USH2A: variants seen among roughly 807,000 people sequenced by gnomAD.
USH2A encodes usherin, also known as Usher syndrome 2A (autosomal recessive, mild).
In USH2A, 443 loss-of-function variants were observed where a neutral mutation model predicts 538.9. The observed-to-expected ratio is 0.82, with a 90% confidence interval of 0.76 to 0.89. The LOEUF (loss-of-function observed/expected upper bound fraction) is 0.89. Ranked by LOEUF, USH2A falls within the 40% of genes least tolerant of loss-of-function variation. The pLI is 0.00. For missense variants in USH2A, 6,633 were observed against 6,324.8 expected, an observed-to-expected ratio of 1.05 and a Z score of -1.65; for synonymous variants, 2,413 against 2,273.5, an observed-to-expected ratio of 1.06 and a Z score of -1.75.
intron 30 of USH2A, among the ~76,000 whole-genome samples, chr1:216,061,769 C>CTGTTATAAAA (rs2031192216): frequency 6.6e-6 from 1 of 152,130 alleles, no homozygotes; most frequent in African/African-American, 2.4e-5. Flanking sequence ...CGAGACCAGG[C>CTGTTATAAAA]AGAGACAATG....
chr1:215,930,789 C>T (rs1666344115), intron 38 of USH2A, among the ~76,000 whole-genome samples: 1 of 151,968 alleles, frequency 6.6e-6, no homozygotes, highest in African/African-American at 2.4e-5. Context: ...AATCCTAACC[C>T]CATTAGTAAC....
At chr1:216,285,108 C>T (rs6695375) in intron 11 of USH2A, among the ~76,000 whole-genome samples, 88,699 of 152,124 alleles carry the variant, frequency 0.58, 27,985 homozygotes, top group East Asian at 0.75. Context: ...CAGAAATTTG[C>T]ATAACTAACA....
chr1:215,637,673 A>C (rs1370749514), intron 69 of USH2A, among the ~76,000 whole-genome samples: 3 of 152,226 alleles, frequency 2.0e-5, no homozygotes, highest in East Asian at 3.8e-4. Context: ...AGACATGTAA[A>C]GTTTGGAAAC....
Position 215,845,992 on chromosome 1 carries a change from A to G in USH2A, c.8887T>C (p.Phe2963Leu). 6.2e-7 allele frequency: 1 copy of G among 1,613,880 alleles called. No individual in the cohort carries two copies. Among genetic ancestry groups the G allele is most frequent in the Non-Finnish European group, 8.5e-7 (1 of 1,179,896 alleles). The change falls in exon 45 of 72, where the codon TTT becomes CTT. Residue 2963 changes from phenylalanine to leucine, a missense_variant. Transcript: ENST00000307340. ...TCGTTTGAGGTAGCAGAACTCCAAAAAAGTGTGTAATATTCAACTTCACCT... is the reference window on the plus strand; with the variant it reads ...TCGTTTGAGGTAGCAGAACTCCAAAGAAGTGTGTAATATTCAACTTCACCT... ...LQGEVEYYTL[F>L]WSSATSNDSL... is the part of the protein sequence containing the mutation.
chr1:215,955,717 G>A (rs890415665), intron 37 of USH2A, among the ~76,000 whole-genome samples: 2 of 151,860 alleles, frequency 1.3e-5, no homozygotes, highest in South Asian at 4.2e-4. Context: ...CTTAGATTCT[G>A]CAACACTAAT....
chr1:215,855,610 T>G (rs1432149594), intron 44 of USH2A, among the ~76,000 whole-genome samples: 6 of 151,980 alleles, frequency 3.9e-5, no homozygotes, highest in Non-Finnish European at 8.8e-5. Context: ...CCCATCAAAT[T>G]ACCATCAACA....
At chr1:215,984,456 T>C (rs533226230) in intron 35 of USH2A, among the ~76,000 whole-genome samples, 38 of 152,212 alleles carry the variant, frequency 2.5e-4, no homozygotes, top group Non-Finnish European at 4.1e-4. Flanking sequence ...GAGTTTCAAG[T>C]TTATCACCTT....
intron 21 of USH2A, among the ~76,000 whole-genome samples, chr1:216,121,895 G>T (rs1490178983): frequency 6.6e-6 from 1 of 152,082 alleles, no homozygotes; most frequent in African/African-American, 2.4e-5. Flanking sequence ...CCTAAATATG[G>T]GTAACAGTGT....
intron 32 of USH2A, among the ~76,000 whole-genome samples, chr1:216,004,917 T>G (rs1168061325): frequency 1.3e-5 from 2 of 152,130 alleles, no homozygotes; most frequent in Non-Finnish European, 2.9e-5. Flanking sequence ...TACTGGTAGG[T>G]GGGTAGATGG....
intron 9 of USH2A, among the ~76,000 whole-genome samples, chr1:216,314,536 G>A (rs938416319): frequency 6.6e-6 from 1 of 151,990 alleles, no homozygotes; most frequent in Non-Finnish European, 1.5e-5. Context: ...ATATAAATAT[G>A]ACACAAATTA....
intron 56 of USH2A, among the ~76,000 whole-genome samples, chr1:215,763,926 T>C (rs895826526): frequency 1.6e-4 from 24 of 152,094 alleles, no homozygotes; most frequent in Admixed American, 7.9e-4. Context: ...GTATTACATA[T>C]GGAAAAGGGA....
At position 215,866,993 on chromosome 1, in the gene USH2A, A is replaced by G. The variant is rs774288671; in HGVS notation, c.8845+14T>C. The G allele has an allele frequency of 1.9e-6, 3 of 1,614,010 alleles. No individual in the cohort carries two copies. The South Asian group carries it at 3.3e-5, about 18-fold the overall frequency. On this transcript the variant is annotated intron_variant, in intron 44 of 71. Coordinates refer to ENST00000307340, the MANE Select transcript of USH2A (RefSeq NM_206933.4). ...TACACAAAGTGTTAACACAGGTATG[A>G]GAAGCTTACTTACTTGGTTTAGCCC...
In USH2A at chr1:215,671,304, T is replaced by C. The variant is rs1366641839; in HGVS notation, c.13812-11A>G. 2 of 1,613,744 alleles carry C rather than the reference T, an allele frequency of 1.2e-6. No homozygotes were observed. The highest frequency in any genetic ancestry group is 3.3e-5 in the Admixed American group (2 of 59,988). On this transcript the variant is annotated splice_polypyrimidine_tract_variant and intron_variant, in intron 63 of 71. Transcript: ENST00000307340. ...ATTCGTATTTCATACCTTCAGGACATAAGGCAGAAATTAGTGATTTTCAGC... is the reference window on the plus strand; with the variant it reads ...ATTCGTATTTCATACCTTCAGGACACAAGGCAGAAATTAGTGATTTTCAGC...
intron 61 of USH2A, among the ~76,000 whole-genome samples, chr1:215,693,092 A>ATATATATGTGTGTG (rs371000210): frequency 5.3e-5 from 7 of 131,664 alleles, no homozygotes; most frequent in Non-Finnish European, 7.8e-5. Context: ...ATATATATAT[A>ATATATATGTGTGTG]TGTGTGTGTG....
chr1:215,965,577 T>C (rs1667321874), intron 36 of USH2A, 98 bp from the exon 37 acceptor site: 1 of 1,428,928 alleles, frequency 7.0e-7, no homozygotes, highest in Non-Finnish European at 9.6e-7. Flanking sequence ...TGCTGTGAAG[T>C]AAACTATTTT....
chr1:216,134,428 T>C (rs536745239), intron 21 of USH2A, among the ~76,000 whole-genome samples: 5 of 152,038 alleles, frequency 3.3e-5, no homozygotes, highest in Non-Finnish European at 7.4e-5. Flanking sequence ...ATGTCCCAGG[T>C]AGCAGAACAG....
intron 56 of USH2A, among the ~76,000 whole-genome samples, chr1:215,764,416 G>C (rs1047060018): frequency 1.3e-5 from 2 of 152,074 alleles, no homozygotes; most frequent in African/African-American, 4.8e-5. Context: ...CACATGGATG[G>C]CAGTAATTGT....
intron 70 of USH2A, among the ~76,000 whole-genome samples, chr1:215,629,263 A>G (rs775020466): frequency 6.6e-6 from 1 of 152,050 alleles, no homozygotes; most frequent in African/African-American, 2.4e-5. Flanking sequence ...ATGAGCTAAT[A>G]CTCAAGTTAG....
intron 21 of USH2A, among the ~76,000 whole-genome samples, chr1:216,149,393 G>A (rs1558285017): frequency 6.6e-6 from 1 of 151,930 alleles, no homozygotes; most frequent in Non-Finnish European, 1.5e-5. Flanking sequence ...TCAGGCTCTT[G>A]GTATTCAGTG....
Sources: gnomAD v4.1 joint callset for allele counts (sites outside exome capture counted in the v4.1 genomes callset) on GRCh38, gnomAD v4.1.1 for gene constraint, MANE v1.5 for transcripts, NCBI Gene and HGNC (gene_info 2026-07-23, HGNC 2026-07-21) for gene names.